The following FAM117B variants were observed in gnomAD, a reference collection of about 807,000 sequenced individuals.
FAM117B encodes protein FAM117B.
FAM117B carries 22 observed loss-of-function variants against 52.8 expected under a neutral mutation model. The observed-to-expected ratio is 0.42, with a 90% CI of 0.30 to 0.59. The LOEUF is 0.59. Among genes scored for constraint, FAM117B ranks in the 20% least tolerant of loss-of-function variants. The pLI, the probability that FAM117B is intolerant of heterozygous loss-of-function variation, is 0.22. For synonymous variants in FAM117B, 309 were observed against 324.1 expected (o/e 0.95, Z 0.50); for missense variants, 678 against 802.6 (o/e 0.84, Z 1.88).
intron 1 of FAM117B, among the ~76,000 whole-genome samples, chr2:202,654,033 G>T (rs1452306314): frequency 1.3e-5 from 2 of 151,064 alleles, no homozygotes; most frequent in South Asian, 2.1e-4. Flanking sequence ...AATCATCTTG[G>T]CCTGGAGGGG....
intron 2 of FAM117B, among the ~76,000 whole-genome samples, chr2:202,696,279 C>A (rs141087179): frequency 4.3e-4 from 66 of 152,216 alleles, no homozygotes; most frequent in African/African-American, 1.3e-3. Context: ...AATTTATGGA[C>A]ATACTTTTTT....
intron 2 of FAM117B, among the ~76,000 whole-genome samples, chr2:202,724,247 G>A (rs1428669409): frequency 6.6e-6 from 1 of 151,984 alleles, no homozygotes; most frequent in Non-Finnish European, 1.5e-5. Context: ...GTTTCACCAT[G>A]CTGGTCAGGC....
chr2:202,654,258 A>C (rs911688423), intron 1 of FAM117B, among the ~76,000 whole-genome samples: 2 of 144,166 alleles, frequency 1.4e-5, no homozygotes, highest in Non-Finnish European at 1.6e-5. Context: ...AGAAAAGTCT[A>C]CCTCAAAAAA....
At chr2:202,750,211 A>C (rs111414118) in intron 4 of FAM117B, among the ~76,000 whole-genome samples, 1 of 152,086 alleles carries the variant, frequency 6.6e-6, no homozygotes, top group South Asian at 2.1e-4. Flanking sequence ...CATATGACCT[A>C]ATTTAAACTT....
At chr2:202,742,394 G>T (rs769521617) in intron 4 of FAM117B, among the ~76,000 whole-genome samples, 1 of 152,186 alleles carries the variant, frequency 6.6e-6, no homozygotes, top group Non-Finnish European at 1.5e-5. Context: ...ATTGACTCAA[G>T]TACATACAGA....
intron 1 of FAM117B, among the ~76,000 whole-genome samples, chr2:202,687,394 A>G (rs1301310373): frequency 6.6e-6 from 1 of 152,104 alleles, no homozygotes; most frequent in Non-Finnish European, 1.5e-5. Context: ...TTGGCTTTCA[A>G]AACTCCAAAG....
Position 202,745,487 on chromosome 2 carries a change from CACT to C in FAM117B, c.961-10048_961-10046del, listed in dbSNP as rs1691617904. 2.6e-5 allele frequency among the ~76,000 whole-genome samples: 4 copies of C among 152,156 alleles called. No homozygotes were observed. The South Asian group carries it at 8.3e-4, about 32-fold the overall frequency. ...TCAGAAAGAGAAAGTCAAATATTAT[CACT>C]ACAAGAAGCCCACCACATCTAAAGG... is the stretch of plus-strand genomic sequence containing the variant. On this transcript the variant is annotated intron_variant, in intron 4 of 7. Transcript: ENST00000392238.
intron 4 of FAM117B, among the ~76,000 whole-genome samples, chr2:202,729,313 GAC>G (rs1216945533): frequency 6.6e-6 from 1 of 151,250 alleles, no homozygotes; most frequent in Admixed American, 6.6e-5. Flanking sequence ...CAGCCTGGGT[GAC>G]AGAGTGAGAC....
At chr2:202,745,825 C>T (rs952544239) in intron 4 of FAM117B, among the ~76,000 whole-genome samples, 9 of 152,014 alleles carry the variant, frequency 5.9e-5, no homozygotes, top group African/African-American at 2.2e-4. Context: ...AAATAGACAT[C>T]AAGTCAAAAA....
At chr2:202,724,892 C>A in intron 2 of FAM117B, 25 bp from the exon 3 acceptor site, 1 of 1,545,244 alleles carries the variant, frequency 6.5e-7, no homozygotes, top group Non-Finnish European at 8.8e-7. Context: ...TTGTTAAATA[C>A]ACCTCCCCTC....
Position 202,768,558 on chromosome 2 carries a change from A to C in FAM117B, c.*2794A>C, listed in dbSNP as rs1692022524. The C allele has an allele frequency of 6.6e-6, 1 of 152,634 alleles. No homozygotes were observed. The highest frequency in any genetic ancestry group is 1.5e-5 in the Non-Finnish European group (1 of 68,028). The allele number at this position is 152,634 out of a possible 1,614,324, so 9.5% of individuals were successfully genotyped here. A position where few individuals can be genotyped will look rare whatever the true frequency, so the allele number is the denominator to read the frequency against. On this transcript the variant is annotated 3_prime_UTR_variant, in exon 8 of 8. Coordinates refer to ENST00000392238, the MANE Select transcript of FAM117B (RefSeq NM_173511.4). ...TGTAAGCTTTACCACAGTCTTGAAA[A>C]AAATATTAACCATAGGTTCATTCAG...
At chr2:202,684,268 A>G (rs1690504212) in intron 1 of FAM117B, among the ~76,000 whole-genome samples, 1 of 152,184 alleles carries the variant, frequency 6.6e-6, no homozygotes, top group African/African-American at 2.4e-5. Context: ...TGCAAGTTTG[A>G]TTTAGTAGTA....
intron 1 of FAM117B, among the ~76,000 whole-genome samples, chr2:202,682,862 A>G (rs947196707): frequency 2.6e-5 from 4 of 152,244 alleles, no homozygotes; most frequent in African/African-American, 9.6e-5. Context: ...CACATAATAT[A>G]TTTTGTGGCA....
chr2:202,730,063 A>T (rs1691315202), intron 4 of FAM117B, among the ~76,000 whole-genome samples: 1 of 152,200 alleles, frequency 6.6e-6, no homozygotes, highest in African/African-American at 2.4e-5. Flanking sequence ...AACTTGAGTG[A>T]TATTTAGAAG....
chr2:202,731,733 T>C (rs1173033950), intron 4 of FAM117B, among the ~76,000 whole-genome samples: 1 of 151,328 alleles, frequency 6.6e-6, no homozygotes, highest in Non-Finnish European at 1.5e-5. Flanking sequence ...CCCAGCCTAC[T>C]TTTTTTTGTT....
chr2:202,762,592 G>GT (rs1261969746), intron 7 of FAM117B, among the ~76,000 whole-genome samples: 2 of 152,088 alleles, frequency 1.3e-5, no homozygotes, highest in Non-Finnish European at 2.9e-5. Context: ...AACAGCGTGA[G>GT]TTTTTTTCTT....
chr2:202,706,495 T>A (rs1433857192), intron 2 of FAM117B, among the ~76,000 whole-genome samples: 1 of 152,260 alleles, frequency 6.6e-6, no homozygotes, highest in Non-Finnish European at 1.5e-5. Flanking sequence ...CTTTGTAAGA[T>A]GTCCTGTGAT....
At chr2:202,729,202 C>T (rs541059465) in intron 4 of FAM117B, among the ~76,000 whole-genome samples, 3 of 152,182 alleles carry the variant, frequency 2.0e-5, no homozygotes, top group African/African-American at 7.2e-5. Context: ...GCGAGGCTGG[C>T]GGGTGCCTGT....
intron 4 of FAM117B, among the ~76,000 whole-genome samples, chr2:202,747,865 AC>A (rs1319142721): frequency 6.6e-6 from 1 of 152,140 alleles, no homozygotes; most frequent in African/African-American, 2.4e-5. Flanking sequence ...TGTTAAAATG[AC>A]CATACTATCC....
Sources: gnomAD v4.1 joint callset for allele counts (sites outside exome capture counted in the v4.1 genomes callset) on GRCh38, gnomAD v4.1.1 for gene constraint, MANE v1.5 for transcripts, NCBI Gene and HGNC (gene_info 2026-07-23, HGNC 2026-07-21) for gene names.